The following SNED1 variants were observed in gnomAD, a reference collection of about 807,000 sequenced individuals.
SNED1 encodes the protein sushi, nidogen and EGF like domains 1.
SNED1 carries 81 observed loss-of-function variants against 166.7 expected under a neutral mutation model. That is an observed-to-expected ratio of 0.49 (90% confidence interval 0.41 to 0.58). The LOEUF (loss-of-function observed/expected upper bound fraction) is 0.58, where lower values mean the gene tolerates loss of function less well. Ranked by LOEUF, SNED1 falls within the 20% of genes least tolerant of loss-of-function variation. The pLI is 0.00. For synonymous variants in SNED1, 762 were observed against 822.0 expected (o/e 0.93, Z 1.25); for missense variants, 1,604 against 2,000.2 (o/e 0.80, Z 3.78).
At chr2:241,019,480 T>C (rs765088276) in intron 1 of SNED1, among the ~76,000 whole-genome samples, 6 of 152,046 alleles carry the variant, frequency 3.9e-5, no homozygotes, top group Non-Finnish European at 8.8e-5. Context: ...ACCCCACTGG[T>C]GGTCCTGGGG....
intron 1 of SNED1, among the ~76,000 whole-genome samples, chr2:241,029,917 G>A (rs980642347): frequency 5.9e-5 from 9 of 152,276 alleles, no homozygotes; most frequent in Admixed American, 1.3e-4. Context: ...GGCCCCAGCC[G>A]GAGCAGAGCT....
chr2:241,030,462 C>T lies in SNED1; in HGVS notation c.392C>T (p.Thr131Met), dbSNP rs1559238330. 4 of 1,613,844 alleles carry T rather than the reference C, an allele frequency of 2.5e-6. No homozygotes were observed. The highest frequency in any genetic ancestry group is 2.2e-5 in the East Asian group (1 of 44,880). ...ATDPAMLRRA[T>M]EDVRHYFPEL... Reference sequence around the variant, plus strand: ...GACCCAGCCATGCTGCGCCGAGCCACGGAGGACGTCAGGCACTACTTCCCC... The same window carrying T: ...GACCCAGCCATGCTGCGCCGAGCCATGGAGGACGTCAGGCACTACTTCCCC... The change falls in exon 2 of 32, where the codon ACG (threonine) becomes ATG (methionine). Residue 131 changes from threonine (T) to methionine (M), a missense_variant. By Grantham distance (81) the Thr-to-Met change is moderately conservative (BLOSUM62 -1). Coordinates refer to ENST00000310397, the MANE Select transcript of SNED1 (RefSeq NM_001080437.3).
chr2:241,079,586 G>A (rs990684274), intron 27 of SNED1, among the ~76,000 whole-genome samples: 4 of 152,136 alleles, frequency 2.6e-5, no homozygotes, highest in African/African-American at 9.7e-5. Context: ...CTGGAGATCG[G>A]CGAGGCTTCT....
At chr2:241,082,136 C>T in intron 28 of SNED1, 141 bp from the exon 29 acceptor site, 1 of 662,994 alleles carries the variant, frequency 1.5e-6, no homozygotes, top group Non-Finnish European at 2.6e-6. Context: ...GCTGCAGACC[C>T]CCGGGCCCTC....
At chr2:241,078,298 G>A (rs747184764) in intron 27 of SNED1, among the ~76,000 whole-genome samples, 3 of 150,734 alleles carry the variant, frequency 2.0e-5, no homozygotes, top group Non-Finnish European at 4.4e-5. Context: ...CAGGAGAATC[G>A]CTTGAACCCG....
intron 1 of SNED1, among the ~76,000 whole-genome samples, chr2:241,022,116 T>G (rs1219907155): frequency 6.6e-6 from 1 of 152,248 alleles, no homozygotes; most frequent in Non-Finnish European, 1.5e-5. Context: ...ACTTTATATC[T>G]TCTAGATATA....
intron 12 of SNED1, among the ~76,000 whole-genome samples, chr2:241,050,627 C>T (rs896089758): frequency 2.0e-5 from 3 of 152,196 alleles, no homozygotes; most frequent in South Asian, 2.1e-4. Context: ...CCCCGTGGCT[C>T]CCCCAACCAC....
intron 4 of SNED1, among the ~76,000 whole-genome samples, chr2:241,036,042 G>A (rs1438878698): frequency 5.2e-5 from 1 of 19,162 alleles, no homozygotes; most frequent in Non-Finnish European, 7.9e-5. Context: ...GGGGTGGGTG[G>A]GGGGTGGAGG....
At chr2:241,087,353 T>C (rs1172990255) in intron 29 of SNED1, 39 bp from the exon 30 acceptor site, 11 of 1,555,306 alleles carry the variant, frequency 7.1e-6, no homozygotes, top group Non-Finnish European at 8.7e-6. Context: ...AACATTTTGC[T>C]TCACTGTCTG....
chr2:241,052,232 G>A, intron 14 of SNED1, 75 bp downstream of exon 14: 1 of 1,481,302 alleles, frequency 6.8e-7, no homozygotes, highest in Non-Finnish European at 9.4e-7. Context: ...AGGCCCATGG[G>A]CAGGGCTGGT....
rs1469978529 is a variant in SNED1, at chr2:241,048,312, C to G, written c.1274-3C>G. 2 of 1,594,974 alleles carry G rather than the reference C, an allele frequency of 1.3e-6. No homozygotes were observed. The highest frequency in any genetic ancestry group is 1.7e-6 in the Non-Finnish European group (2 of 1,172,760). The stretch of plus-strand genomic sequence containing the variant: ...CCGCTGGTGACTGCCGTCTTTCTTG[C>G]AGGAGACCATCCAGTGCCAGACGCC... On this transcript the variant is annotated splice_region_variant and splice_polypyrimidine_tract_variant and intron_variant, in intron 8 of 31. Coordinates refer to ENST00000310397, the MANE Select transcript of SNED1 (RefSeq NM_001080437.3).
rs1467157464 is a variant in SNED1, at chr2:241,091,604, T to C, written c.*2-34T>C. 1 of 152,188 alleles carries C rather than the reference T, an allele frequency of 6.6e-6. No individual in the cohort carries two copies. 9.4% of individuals were successfully genotyped at this position (152,188 alleles called of 1,614,324 possible). On this transcript the variant is annotated intron_variant, in intron 31 of 31. Coordinates refer to ENST00000310397, the MANE Select transcript of SNED1 (RefSeq NM_001080437.3). This position sits in a 1 kb window ranked among gnomAD's most constrained non-coding sequence, Gnocchi z 4.1. ...AAAGAGGAGTGGGAATGCCTGTCATTCTCCTCATGCTTCACTTTGTTTTTT... is the reference window on the plus strand; with the variant it reads ...AAAGAGGAGTGGGAATGCCTGTCATCCTCCTCATGCTTCACTTTGTTTTTT...
At chr2:241,088,250 G>T in intron 30 of SNED1, 115 bp from the exon 31 acceptor site, 1 of 772,402 alleles carries the variant, frequency 1.3e-6, no homozygotes, top group African/African-American at 1.7e-5. Context: ...CCCCCACCGT[G>T]GAATGTATGT....
intron 4 of SNED1, among the ~76,000 whole-genome samples, chr2:241,036,089 TCACGGGGTGGGGGTTGGGGAGTAGAGGC>T (rs2061359343): frequency 2.3e-4 from 6 of 25,664 alleles, no homozygotes; most frequent in Non-Finnish European, 2.2e-4. Flanking sequence ...TGGAGGCGCA[TCACGGGGTGGGGGTTGGGGAGTAGAGGC>T]GCGCCACGGG....
At chr2:241,037,058 G>C (rs2061394592) in intron 5 of SNED1, 143 bp downstream of exon 5, 1 of 1,144,572 alleles carries the variant, frequency 8.7e-7, no homozygotes, top group Non-Finnish European at 1.2e-6. Context: ...TTGCTTAGGG[G>C]ACCACTGGGG....
rs370960759 is a variant in SNED1, at chr2:241,002,440, G to A, written c.213+3390G>A. Among the ~76,000 whole-genome samples the A allele has an allele frequency of 5.9e-5, 9 of 152,182 alleles. No individual in the cohort carries two copies. The East Asian group carries it at 9.6e-4, about 16-fold the overall frequency. On this transcript the variant is annotated intron_variant, in intron 1 of 31. Transcript: ENST00000310397. ...GGCTGCCCTATTCACTGAGGTTCCCGGGCTGGCCCACCCCCTGCTATGGGC... is the reference window on the plus strand; with the variant it reads ...GGCTGCCCTATTCACTGAGGTTCCCAGGCTGGCCCACCCCCTGCTATGGGC...
intron 1 of SNED1, among the ~76,000 whole-genome samples, chr2:241,027,971 G>A (rs1452846849): frequency 6.6e-6 from 1 of 152,044 alleles, no homozygotes; most frequent in Admixed American, 6.5e-5. Context: ...CTGACCTCGT[G>A]ATCCACCCAC....
In SNED1 at chr2:241,018,069, C is replaced by T. The variant is rs1346098285; in HGVS notation, c.214-12215C>T. On this transcript the variant is annotated intron_variant, in intron 1 of 31. Transcript: ENST00000310397. This position sits in a 1 kb window ranked among gnomAD's most constrained non-coding sequence, Gnocchi z 5.4. Reference sequence around the variant, plus strand: ...TTGATCCCTTTCCCGACTGGAGAGGCATTCCAAGGCTCACTCCCTCCCAGG... The same window carrying T: ...TTGATCCCTTTCCCGACTGGAGAGGTATTCCAAGGCTCACTCCCTCCCAGG... Among the ~76,000 whole-genome samples, 1 of 152,192 alleles carries T rather than the reference C, an allele frequency of 6.6e-6. No individual in the cohort carries two copies. Among genetic ancestry groups the T allele is most frequent in the African/African-American group, 2.4e-5 (1 of 41,440 alleles).
chr2:241,071,308 G>A (rs918861403), intron 24 of SNED1: 10 of 560,110 alleles, frequency 1.8e-5, no homozygotes, highest in East Asian at 3.0e-5. Flanking sequence ...CCTAGACTCA[G>A]CCCTGCCTCA....
Sources: gnomAD v4.1 joint callset for allele counts (sites outside exome capture counted in the v4.1 genomes callset) on GRCh38, gnomAD v4.1.1 for gene constraint, Gnocchi (gnomAD v3.1) non-coding constraint, MANE v1.5 for transcripts, NCBI Gene and HGNC (gene_info 2026-07-23, HGNC 2026-07-21) for gene names.